QTGAL: variants seen among roughly 807,000 people sequenced by gnomAD.
The protein encoded by QTGAL is BGnT-like protein 1.
At chr17:82,955,838 G>T in the QTGAL span, among the ~76,000 whole-genome samples, 4 of 152,168 alleles carry the variant, frequency 2.6e-5, no homozygotes, top group Non-Finnish European at 4.4e-5. Flanking sequence ...ATGAGTTCAT[G>T]TCCTTTGCAG....
chr17:82,942,399 T>C, the QTGAL span: 17 of 1,613,304 alleles, frequency 1.1e-5, no homozygotes, highest in East Asian at 2.2e-5. Flanking sequence ...TGGCTGGGAA[T>C]GGTGTGTGTT....
the QTGAL span, among the ~76,000 whole-genome samples, chr17:82,964,445 G>A: frequency 6.6e-6 from 1 of 152,158 alleles, no homozygotes; most frequent in Non-Finnish European, 1.5e-5. Context: ...TAGAATTGGA[G>A]TTTTTAAAAC....
At chr17:83,051,718 C>T in the QTGAL span, 40 of 1,480,032 alleles carry the variant, frequency 2.7e-5, no homozygotes, top group Non-Finnish European at 3.4e-5. Context: ...GGCGGGGCAC[C>T]CTCCCCGCTG....
At chr17:82,969,307 G>A in the QTGAL span, among the ~76,000 whole-genome samples, 3 of 90,982 alleles carry the variant, frequency 3.3e-5, no homozygotes, top group Admixed American at 3.8e-4. Context: ...CTACAGGTGT[G>A]CACCACCACG....
At chr17:82,991,170 T>TTTCTTAGATACAACATCTA in the QTGAL span, among the ~76,000 whole-genome samples, 1 of 152,206 alleles carries the variant, frequency 6.6e-6, no homozygotes. Flanking sequence ...TGAACTGGGT[T>TTTCTTAGATACAACATCTA]AGCCAAAGAT....
chr17:82,981,302 A>G, the QTGAL span: 1 of 152,266 alleles, frequency 6.6e-6, no homozygotes, highest in Non-Finnish European at 1.5e-5. Context: ...AGCACTGAGA[A>G]ACAAAAGTGG....
chr17:82,973,782 T>C, the QTGAL span, among the ~76,000 whole-genome samples: 3 of 152,226 alleles, frequency 2.0e-5, no homozygotes, highest in African/African-American at 7.2e-5. Context: ...ACAGTCGGAC[T>C]GGGTCCCAGA....
the QTGAL span, among the ~76,000 whole-genome samples, chr17:82,950,776 C>T: frequency 0.56 from 85,812 of 152,072 alleles, 24,292 homozygotes; most frequent in East Asian, 0.67. Flanking sequence ...CCAGGTGCAC[C>T]GTCAATGAGC....
the QTGAL span, among the ~76,000 whole-genome samples, chr17:82,962,099 C>A: frequency 1.3e-5 from 2 of 152,228 alleles, no homozygotes; most frequent in Non-Finnish European, 1.5e-5. Context: ...GAGAGCCTAG[C>A]AGCAGGGCCA....
chr17:82,942,543 GCA>G, the QTGAL span: 41 of 1,588,088 alleles, frequency 2.6e-5, no homozygotes, highest in African/African-American at 3.9e-4. Flanking sequence ...GGAAAGCCTC[GCA>G]CAGTGGTGCC....
At chr17:83,038,055 T>G in the QTGAL span, among the ~76,000 whole-genome samples, 1 of 152,176 alleles carries the variant, frequency 6.6e-6, no homozygotes, top group African/African-American at 2.4e-5. Context: ...GCGACGTTAT[T>G]AGGAAAGTGG....
the QTGAL span, chr17:83,006,991 G>A: frequency 2.5e-6 from 1 of 397,046 alleles, no homozygotes; most frequent in Non-Finnish European, 3.4e-6. This position sits in a 1 kb window ranked among gnomAD's most constrained non-coding sequence, Gnocchi z 5.8. Context: ...CCAGCACTGG[G>A]TGTCTCGGTT....
chr17:82,983,990 C>T, the QTGAL span, among the ~76,000 whole-genome samples: 223 of 145,328 alleles, frequency 1.5e-3, 1 homozygote, highest in Non-Finnish European at 2.7e-3. Context: ...CATATGATCA[C>T]GCAGGGGAGA....
chr17:83,000,240 C>A, the QTGAL span, among the ~76,000 whole-genome samples: 47 of 149,920 alleles, frequency 3.1e-4, no homozygotes, highest in African/African-American at 1.1e-3. Context: ...GGATTACAGG[C>A]ATGAGCCACT....
At chr17:82,960,469 G>A in the QTGAL span, 4 of 152,344 alleles carry the variant, frequency 2.6e-5, no homozygotes, top group South Asian at 6.2e-4. Context: ...TTCTAAGGAG[G>A]GAACTGTCTG....
At chr17:82,970,550 G>GCGTGGACTGACCTCCGCACCCA in the QTGAL span, among the ~76,000 whole-genome samples, 3 of 91,662 alleles carry the variant, frequency 3.3e-5, no homozygotes, top group Non-Finnish European at 6.4e-5. Context: ...CTCCGCACCC[G>GCGTGGACTGACCTCCGCACCCA]GCGTGGCCGC....
the QTGAL span, among the ~76,000 whole-genome samples, chr17:83,039,082 C>T: frequency 6.6e-6 from 1 of 152,152 alleles, no homozygotes; most frequent in African/African-American, 2.4e-5. Context: ...TGATGACAGA[C>T]AGCTGCCAAC....
chr17:83,002,457 C>T, the QTGAL span, among the ~76,000 whole-genome samples: 2 of 152,234 alleles, frequency 1.3e-5, no homozygotes, highest in Non-Finnish European at 2.9e-5. Context: ...CACAACTTCA[C>T]TGAAAAGCAC....
At chr17:82,950,178 C>G in the QTGAL span, among the ~76,000 whole-genome samples, 60 of 152,298 alleles carry the variant, frequency 3.9e-4, no homozygotes, top group African/African-American at 1.4e-3. Context: ...GACAGGTGAC[C>G]GTGGGGGCTC....
Sources: allele counts gnomAD v4.1 joint callset (sites outside exome capture counted in the v4.1 genomes callset), GRCh38; gene constraint gnomAD v4.1.1; non-coding constraint Gnocchi (gnomAD v3.1); transcripts MANE v1.5; gene names NCBI Gene and HGNC (gene_info 2026-07-23, HGNC 2026-07-21).